ELMOD1: variants seen among roughly 807,000 people sequenced by gnomAD.
ELMOD1 encodes the protein ELMO domain-containing protein 1.
ELMOD1 carries 21 observed loss-of-function variants against 46.7 expected under a neutral mutation model. The ratio of observed to expected loss-of-function variants is 0.45; its 90% confidence interval spans 0.32 to 0.65. The LOEUF is 0.65. ELMOD1 is among the 30% of genes least tolerant of loss of function. The pLI, the probability that ELMOD1 is intolerant of heterozygous loss-of-function variation, is 0.04. For missense variants in ELMOD1, 348 were observed against 407.8 expected (o/e 0.85, Z 1.26); for synonymous variants, 122 against 138.2 (o/e 0.88, Z 0.82).
intron 11 of ELMOD1, among the ~76,000 whole-genome samples, chr11:107,656,709 C>A (rs540843077): frequency 2.0e-5 from 3 of 152,060 alleles, no homozygotes; most frequent in Admixed American, 6.6e-5. Context: ...CCCTTCTGGT[C>A]TGACTCAAAG....
chr11:107,652,889 T>A (rs1246672906), intron 9 of ELMOD1, among the ~76,000 whole-genome samples: 2 of 152,238 alleles, frequency 1.3e-5, no homozygotes, highest in Non-Finnish European at 2.9e-5. Context: ...TAATAAAATC[T>A]TTGCTGTGTG....
At chr11:107,646,769 C>CTT (rs532834204) in intron 6 of ELMOD1, among the ~76,000 whole-genome samples, 6 of 140,100 alleles carry the variant, frequency 4.3e-5, no homozygotes, top group African/African-American at 7.8e-5. Flanking sequence ...TGTCAGTTCA[C>CTT]TTTTTTTTTT....
rs1866114706 is a variant in ELMOD1 at position 107,630,408 on chromosome 11, T to C, written c.18-9T>C. 1 of 1,590,450 alleles carries C rather than the reference T, an allele frequency of 6.3e-7. No individual in the cohort carries two copies. The highest frequency in any genetic ancestry group is 8.6e-7 in the Non-Finnish European group (1 of 1,167,310). On this transcript the variant is annotated splice_polypyrimidine_tract_variant and intron_variant, in intron 2 of 11. Transcript: ENST00000265840. ...CTATTGGAAGGGTGCTGTGTTTTGT[T>C]TTTCACAGAATGTTGATCCAGGTAT...
chr11:107,630,882 T>C (rs538815418), intron 4 of ELMOD1, among the ~76,000 whole-genome samples, 154 bp downstream of exon 4: 2 of 152,276 alleles, frequency 1.3e-5, no homozygotes, highest in Non-Finnish European at 2.9e-5. Flanking sequence ...CAAACCACTG[T>C]ACTATTTACA....
At chr11:107,604,352 G>A (rs11212296) in intron 1 of ELMOD1, among the ~76,000 whole-genome samples, 5,397 of 152,224 alleles carry the variant, frequency 0.035, 137 homozygotes, top group Non-Finnish European at 0.06. Context: ...ACATATTCTG[G>A]AATTACTTAA....
chr11:107,614,715 T>C (rs1324479710), intron 1 of ELMOD1, among the ~76,000 whole-genome samples: 2 of 152,220 alleles, frequency 1.3e-5, no homozygotes, highest in Non-Finnish European at 2.9e-5. Context: ...TTATTGCTCT[T>C]CAGATAAGGT....
At chr11:107,593,127 G>C (rs549416929) in intron 1 of ELMOD1, 1 of 152,726 alleles carries the variant, frequency 6.5e-6, no homozygotes, top group Non-Finnish European at 1.5e-5. Context: ...TACATCACAG[G>C]CTCCACCTCC....
At chr11:107,611,588 C>T (rs1434831011) in intron 1 of ELMOD1, among the ~76,000 whole-genome samples, 1 of 151,412 alleles carries the variant, frequency 6.6e-6, no homozygotes, top group Non-Finnish European at 1.5e-5. Flanking sequence ...GCCTGTAGTC[C>T]CAGCTACTCT....
In ELMOD1 at chr11:107,665,202, C is replaced by T; in HGVS notation, c.*5C>T. On this transcript the variant is annotated 3_prime_UTR_variant, in exon 12 of 12. Transcript: ENST00000265840. Reference sequence around the variant, plus strand: ...GAAGGTTTAATCAACATGTAGTTGCCCACGCCGGTTTTAATGGATACCCTG... The same window carrying T: ...GAAGGTTTAATCAACATGTAGTTGCTCACGCCGGTTTTAATGGATACCCTG... The T allele has an allele frequency of 1.9e-6, 3 of 1,613,398 alleles. No homozygotes were observed. Among genetic ancestry groups the T allele is most frequent in the Non-Finnish European group, 2.5e-6 (3 of 1,179,558 alleles).
chr11:107,619,059 A>C (rs908281838), intron 2 of ELMOD1, among the ~76,000 whole-genome samples: 3 of 152,136 alleles, frequency 2.0e-5, no homozygotes, highest in Non-Finnish European at 4.4e-5. Flanking sequence ...ATAGGCTTGC[A>C]TCTTTTAAGA....
At chr11:107,664,954 C>A in intron 11 of ELMOD1, 71 bp from the exon 12 acceptor site, 1 of 1,433,254 alleles carries the variant, frequency 7.0e-7, no homozygotes, top group Non-Finnish European at 9.5e-7. Flanking sequence ...CCTCAGCATT[C>A]AGAATGATTT....
intron 9 of ELMOD1, 198 bp from the exon 10 acceptor site, chr11:107,653,974 T>C: frequency 1.7e-6 from 1 of 575,166 alleles, no homozygotes; most frequent in Non-Finnish European, 3.1e-6. Context: ...CTAAAGTGGA[T>C]AGGAGGTAAA....
At chr11:107,633,926 C>T (rs1440958194) in intron 5 of ELMOD1, among the ~76,000 whole-genome samples, 1 of 152,124 alleles carries the variant, frequency 6.6e-6, no homozygotes, top group African/African-American at 2.4e-5. Context: ...AAGTCATTCA[C>T]TGAATATGAC....
intron 2 of ELMOD1, among the ~76,000 whole-genome samples, chr11:107,629,206 C>T (rs577893355): frequency 6.6e-6 from 1 of 152,192 alleles, no homozygotes; most frequent in East Asian, 1.9e-4. Context: ...GGAACCAGAG[C>T]AATTTAAGGA....
intron 5 of ELMOD1, 34 bp from the exon 6 acceptor site, chr11:107,635,598 TCTTC>T: frequency 6.3e-7 from 1 of 1,597,866 alleles, no homozygotes; most frequent in Non-Finnish European, 8.5e-7. Flanking sequence ...AATGCCCTGT[TCTTC>T]CTTGTGTGTC....
intron 8 of ELMOD1, 25 bp from the exon 9 acceptor site, chr11:107,650,860 A>C (rs752465778): frequency 7.3e-6 from 8 of 1,095,176 alleles, no homozygotes; most frequent in South Asian, 1.7e-5. Context: ...TTACTTTTCT[A>C]ATTTTTTTCT....
At chr11:107,651,334 A>G (rs892475127) in intron 9 of ELMOD1, among the ~76,000 whole-genome samples, 14 of 152,222 alleles carry the variant, frequency 9.2e-5, no homozygotes. Flanking sequence ...CACTCTTCTT[A>G]GAAGGAGTTC....
At chr11:107,606,981 T>C (rs1298656571) in intron 1 of ELMOD1, among the ~76,000 whole-genome samples, 2 of 152,216 alleles carry the variant, frequency 1.3e-5, no homozygotes, top group South Asian at 2.1e-4. Flanking sequence ...CTCTCCACTT[T>C]CCATATACAT....
At chr11:107,635,992 G>A (rs1219795668) in intron 6 of ELMOD1, among the ~76,000 whole-genome samples, 1 of 152,174 alleles carries the variant, frequency 6.6e-6, no homozygotes, top group Non-Finnish European at 1.5e-5. Context: ...ATTTTCTTTT[G>A]TAATCTGAGA....
Sources: allele counts gnomAD v4.1 joint callset (sites outside exome capture counted in the v4.1 genomes callset), GRCh38; gene constraint gnomAD v4.1.1; transcripts MANE v1.5; gene names NCBI Gene and HGNC (gene_info 2026-07-23, HGNC 2026-07-21).